Variants in ARL6IP6 observed in about 807,000 individuals in gnomAD.
ARL6IP6 encodes ADP-ribosylation factor-like protein 6-interacting protein 6.
A neutral mutation model predicts 21.5 loss-of-function variants in ARL6IP6; 22 were observed. The observed-to-expected ratio is 1.02, with a 90% CI of 0.73 to 1.46. ARL6IP6 has a LOEUF of 1.46. Among genes scored for constraint, ARL6IP6 ranks in the 40% most tolerant of loss-of-function variants. The pLI is 0.00. For missense variants in ARL6IP6, 388 were observed against 299.8 expected (o/e 1.29, Z -2.17); for synonymous variants, 164 against 125.3 (o/e 1.31, Z -2.06).
chr2:152,751,156 T>C (rs1701309356), intron 3 of ARL6IP6, among the ~76,000 whole-genome samples: 1 of 152,162 alleles, frequency 6.6e-6, no homozygotes, highest in Non-Finnish European at 1.5e-5. Flanking sequence ...TTTACTTGAA[T>C]GGAAATTTTT....
At chr2:152,750,007 G>T (rs1701247019) in intron 3 of ARL6IP6, among the ~76,000 whole-genome samples, 1 of 152,150 alleles carries the variant, frequency 6.6e-6, no homozygotes, top group South Asian at 2.1e-4. Context: ...TTTCATCATA[G>T]ATAGGTCTCC....
chr2:152,720,685 T>C, intron 2 of ARL6IP6, 99 bp downstream of exon 2: 1 of 1,043,126 alleles, frequency 9.6e-7, no homozygotes, highest in Non-Finnish European at 1.4e-6. Context: ...AATGTATTTC[T>C]ATGTGCAGTC....
At chr2:152,748,807 T>C (rs1701177935) in intron 3 of ARL6IP6, among the ~76,000 whole-genome samples, 1 of 152,216 alleles carries the variant, frequency 6.6e-6, no homozygotes, top group Non-Finnish European at 1.5e-5. Flanking sequence ...GGAATAAATA[T>C]GGCATGGAAC....
chr2:152,719,046 A>G, intron 1 of ARL6IP6, 22 bp downstream of exon 1: 1 of 1,510,626 alleles, frequency 6.6e-7, no homozygotes, highest in Non-Finnish European at 8.8e-7. Context: ...GACGCCTTGA[A>G]AGTCTGTCCA....
At chr2:152,737,712 A>G in intron 3 of ARL6IP6, among the ~76,000 whole-genome samples, 1 of 152,208 alleles carries the variant, frequency 6.6e-6, no homozygotes, top group Non-Finnish European at 1.5e-5. Context: ...TGAGAACAGC[A>G]GCATGGGGGT....
intron 3 of ARL6IP6, among the ~76,000 whole-genome samples, chr2:152,741,338 T>C (rs1700799899): frequency 6.6e-6 from 1 of 152,088 alleles, no homozygotes; most frequent in Admixed American, 6.5e-5. Flanking sequence ...AAATAAATCA[T>C]ATATAACTGG....
rs554219711 is a variant in ARL6IP6 at position 152,760,688 on chromosome 2, A to G, written c.*848A>G. On this transcript the variant is annotated 3_prime_UTR_variant, in exon 4 of 4. Transcript: ENST00000326446. ...ACTATTTCTGTTTCCACAATTCCAA[A>G]TATTTATCTTGGTGTATATATTGTT... The G allele has an allele frequency of 1.7e-3, 262 of 152,068 alleles. No individual in the cohort carries two copies. The highest frequency in any genetic ancestry group is 6.0e-3 in the African/African-American group (250 of 41,512). The allele number at this position is 152,068 out of a possible 1,614,324, so 9.4% of individuals were successfully genotyped here.
Position 152,735,507 on chromosome 2 carries a change from G to T in ARL6IP6, c.587+381G>T, listed in dbSNP as rs1463871009. 2.6e-5 allele frequency among the ~76,000 whole-genome samples: 4 copies of T among 152,152 alleles called. No individual in the cohort carries two copies. The East Asian group carries it at 5.8e-4, about 22-fold the overall frequency. On this transcript the variant is annotated intron_variant, in intron 3 of 3. Transcript: ENST00000326446. ...CAGACTTACAAGAACATAATAATTG[G>T]ATTGGACTTTTCCTTAGGATTTTAA...
Position 152,761,607 on chromosome 2 carries a change from T to A in ARL6IP6, c.*1767T>A, listed in dbSNP as rs143258459. Among the ~76,000 whole-genome samples, 1 of 152,246 alleles carries A rather than the reference T, an allele frequency of 6.6e-6. No individual in the cohort carries two copies. The highest frequency in any genetic ancestry group is 2.4e-5 in the African/African-American group (1 of 41,472). ...TTTTGGTCACAACGAACTGTACTTA[T>A]GATAGTGAATCCCCCCGTAAGATTA... On this transcript the variant is annotated 3_prime_UTR_variant, in exon 4 of 4. Coordinates refer to ENST00000326446, the MANE Select transcript of ARL6IP6 (RefSeq NM_152522.7).
chr2:152,733,838 T>G (rs946492569), intron 2 of ARL6IP6, among the ~76,000 whole-genome samples: 1 of 152,208 alleles, frequency 6.6e-6, no homozygotes, highest in Non-Finnish European at 1.5e-5. Context: ...CCTATCCCAC[T>G]AGAATTACTT....
At chr2:152,755,578 T>C (rs1000715585) in intron 3 of ARL6IP6, among the ~76,000 whole-genome samples, 3 of 152,172 alleles carry the variant, frequency 2.0e-5, no homozygotes, top group Admixed American at 2.0e-4. Context: ...TCTCTTCCTC[T>C]CTCTCTCTGC....
intron 3 of ARL6IP6, among the ~76,000 whole-genome samples, chr2:152,751,556 T>TA (rs1701332750): frequency 6.6e-6 from 1 of 152,168 alleles, no homozygotes; most frequent in South Asian, 2.1e-4. Flanking sequence ...CAACCTCGAA[T>TA]AACCACAGTT....
rs1464379491 is a variant in ARL6IP6, at chr2:152,760,960, T to C, written c.*1120T>C. On this transcript the variant is annotated 3_prime_UTR_variant, in exon 4 of 4. Transcript: ENST00000326446. ...TAATTAAGCCTTAATTTTTCCCCTA[T>C]GTTACTAAAGACTTTTAATGTTTAG... is the stretch of plus-strand genomic sequence containing the variant. 1 of 152,172 alleles carries C rather than the reference T, an allele frequency of 6.6e-6. No homozygotes were observed. The highest frequency in any genetic ancestry group is 6.6e-5 in the Admixed American group (1 of 15,260). 9.4% of individuals were successfully genotyped at this position (152,172 alleles called of 1,614,324 possible).
At chr2:152,726,895 A>G (rs1405244343) in intron 2 of ARL6IP6, among the ~76,000 whole-genome samples, 1 of 152,214 alleles carries the variant, frequency 6.6e-6, no homozygotes, top group Non-Finnish European at 1.5e-5. Context: ...CTAGTTTTAT[A>G]TAACCTTCCA....
chr2:152,743,466 TTCCAAAATAAG>T (rs1262573233), intron 3 of ARL6IP6, among the ~76,000 whole-genome samples: 1 of 152,192 alleles, frequency 6.6e-6, no homozygotes, highest in Middle Eastern at 3.2e-3. Flanking sequence ...AACCTGGGGA[TTCCAAAATAAG>T]TCATTCTTGG....
At chr2:152,740,424 G>A (rs1371645662) in intron 3 of ARL6IP6, among the ~76,000 whole-genome samples, 1 of 151,844 alleles carries the variant, frequency 6.6e-6, no homozygotes, top group Non-Finnish European at 1.5e-5. Flanking sequence ...AATATGAAAT[G>A]GTGTCATATT....
At chr2:152,728,134 A>G (rs1177404295) in intron 2 of ARL6IP6, among the ~76,000 whole-genome samples, 1 of 152,158 alleles carries the variant, frequency 6.6e-6, no homozygotes, top group Non-Finnish European at 1.5e-5. Flanking sequence ...CTTTTGGAGT[A>G]TATTCTGTAT....
intron 1 of ARL6IP6, chr2:152,720,275 T>A (rs918755612): frequency 2.0e-6 from 1 of 504,470 alleles, no homozygotes; most frequent in African/African-American, 1.9e-5. Context: ...TAGTATGCCC[T>A]TTAGTGTTTA....
At chr2:152,719,763 A>AC (rs1559219832) in intron 1 of ARL6IP6, 7 of 307,620 alleles carry the variant, frequency 2.3e-5, no homozygotes, top group African/African-American at 4.6e-5. Context: ...AAAAAAAAAA[A>AC]AAAAAAAAAA....
Sources: gnomAD v4.1 joint callset for allele counts (sites outside exome capture counted in the v4.1 genomes callset) on GRCh38, gnomAD v4.1.1 for gene constraint, MANE v1.5 for transcripts, NCBI Gene and HGNC (gene_info 2026-07-23, HGNC 2026-07-21) for gene names.